SLK: variants seen among roughly 807,000 people sequenced by gnomAD.
SLK encodes the protein STE20-like serine/threonine-protein kinase.
Under a neutral mutation model 147.7 loss-of-function variants are expected in SLK, and 67 were observed. That is an observed-to-expected ratio of 0.45 (90% CI 0.37 to 0.56). The LOEUF (loss-of-function observed/expected upper bound fraction) is 0.56. SLK is among the 20% of genes least tolerant of loss of function. The pLI is 0.00. For synonymous variants in SLK, 441 were observed against 475.0 expected, an observed-to-expected ratio of 0.93 and a Z score of 0.93; for missense variants, 1,136 against 1,438.8, an observed-to-expected ratio of 0.79 and a Z score of 3.41.
At chr10:103,998,811 TAAAGACTTA>T in intron 4 of SLK, 79 bp from the exon 5 acceptor site, 3 of 832,544 alleles carry the variant, frequency 3.6e-6, no homozygotes, top group Non-Finnish European at 5.9e-6. Flanking sequence ...TTAGCCTTAT[TAAAGACTTA>T]AAATGCTTTT....
intron 1 of SLK, among the ~76,000 whole-genome samples, chr10:103,990,162 C>G (rs1415452662): frequency 2.0e-5 from 3 of 152,134 alleles, no homozygotes; most frequent in Non-Finnish European, 4.4e-5. Flanking sequence ...GTAAAAAGAT[C>G]AGTGGTTGCC....
chr10:103,992,267 A>G (rs2487997), intron 2 of SLK, among the ~76,000 whole-genome samples: 34,255 of 150,604 alleles, frequency 0.23, 4,482 homozygotes, highest in African/African-American at 0.36. Flanking sequence ...CCTTAAAAAT[A>G]TAAGTAATAA....
intron 4 of SLK, among the ~76,000 whole-genome samples, chr10:103,993,518 T>A (rs1000961964): frequency 6.6e-5 from 10 of 152,164 alleles, no homozygotes; most frequent in Middle Eastern, 3.2e-3. Flanking sequence ...CCAAAGTTCA[T>A]GTCTAGTGAG....
At chr10:103,980,876 A>G (rs565316389) in intron 1 of SLK, among the ~76,000 whole-genome samples, 1 of 152,150 alleles carries the variant, frequency 6.6e-6, no homozygotes, top group East Asian at 1.9e-4. Context: ...GTAGGAATCT[A>G]TTTTTAATTT....
chr10:103,988,534 C>T (rs920872871), intron 1 of SLK, among the ~76,000 whole-genome samples: 18 of 152,094 alleles, frequency 1.2e-4, no homozygotes, highest in Admixed American at 7.9e-4. Flanking sequence ...TTGCAACCTC[C>T]GGCATAAATG....
chr10:103,987,942 A>C lies in SLK; in HGVS notation c.151-2733A>C, dbSNP rs1844039016. Reference sequence around the variant, plus strand: ...TGGGCCCGAGAATTAAACTGACACAAGATAGAGTAGAGGAGAAAAGCATAG... The same window carrying C: ...TGGGCCCGAGAATTAAACTGACACACGATAGAGTAGAGGAGAAAAGCATAG... On this transcript the variant is annotated intron_variant, in intron 1 of 18. Coordinates refer to ENST00000369755, the MANE Select transcript of SLK (RefSeq NM_014720.4). Among the ~76,000 whole-genome samples the C allele has an allele frequency of 3.9e-5, 6 of 152,316 alleles. No homozygotes were observed. In the South Asian group the frequency reaches 1.2e-3, roughly 32 times the overall value.
chr10:104,021,134 A>T (rs949861980), intron 17 of SLK, among the ~76,000 whole-genome samples: 1 of 152,224 alleles, frequency 6.6e-6, no homozygotes. Flanking sequence ...GCCCATCTAA[A>T]ATGTTTAAGA....
At chr10:104,019,107 GA>G (rs985829505) in intron 15 of SLK, 199 bp downstream of exon 15, 1 of 468,844 alleles carries the variant, frequency 2.1e-6, no homozygotes, top group Admixed American at 4.1e-5. Flanking sequence ...AAATTATAAG[GA>G]AAGTAACTAA....
chr10:104,020,751 A>T, intron 17 of SLK, 138 bp downstream of exon 17: 1 of 826,368 alleles, frequency 1.2e-6, no homozygotes, highest in South Asian at 1.9e-5. Context: ...TTTTTTGTAC[A>T]GATCCAAATG....
intron 11 of SLK, 32 bp from the exon 12 acceptor site, chr10:104,008,145 A>G: frequency 6.4e-7 from 1 of 1,559,856 alleles, no homozygotes; most frequent in Non-Finnish European, 8.7e-7. Flanking sequence ...GGTGATGGAA[A>G]AGTTATCATC....
chr10:103,969,228 C>T (rs1210906518), intron 1 of SLK, among the ~76,000 whole-genome samples: 1 of 152,180 alleles, frequency 6.6e-6, no homozygotes, highest in Non-Finnish European at 1.5e-5. Context: ...CTCGGCCTCC[C>T]AAAGTGCTAG....
intron 1 of SLK, among the ~76,000 whole-genome samples, chr10:103,988,041 A>G (rs1263082921): frequency 1.3e-5 from 2 of 152,206 alleles, no homozygotes; most frequent in Non-Finnish European, 2.9e-5. Context: ...GGCAAAACCT[A>G]CATGCTTTTG....
intron 1 of SLK, among the ~76,000 whole-genome samples, chr10:103,980,633 G>C (rs759546868): frequency 6.6e-6 from 1 of 152,118 alleles, no homozygotes; most frequent in Non-Finnish European, 1.5e-5. Flanking sequence ...GAGCCTTAAG[G>C]TTCATCCATG....
Position 103,985,752 on chromosome 10 carries a change from A to AAAATG in SLK, c.151-4922_151-4918dup, listed in dbSNP as rs1844004304. Among the ~76,000 whole-genome samples the AAAATG allele has an allele frequency of 6.6e-5, 10 of 152,328 alleles. No individual in the cohort carries two copies. The South Asian group carries it at 2.1e-3, about 32-fold the overall frequency. Reference sequence around the variant, plus strand: ...ACTATGAAATACTATATAATGTTAGAAAATGTAAAAATATAGAAAGAAAAT... The same window carrying AAAATG: ...ACTATGAAATACTATATAATGTTAGAAAATGAAATGTAAAAATATAGAAAGAAAAT... On this transcript the variant is annotated intron_variant, in intron 1 of 18. Coordinates refer to ENST00000369755, the MANE Select transcript of SLK (RefSeq NM_014720.4).
chr10:103,982,783 G>A (rs1200641509), intron 1 of SLK, among the ~76,000 whole-genome samples: 1 of 152,206 alleles, frequency 6.6e-6, no homozygotes, highest in African/African-American at 2.4e-5. Context: ...ACTTGAACAA[G>A]GTGACACTGC....
intron 13 of SLK, among the ~76,000 whole-genome samples, chr10:104,015,997 G>A (rs1844457808): frequency 1.3e-5 from 2 of 151,966 alleles, no homozygotes; most frequent in African/African-American, 4.8e-5. Flanking sequence ...AGGTTATGTT[G>A]TTTATTGAAC....
chr10:103,992,340 G>C (rs1376971286), intron 2 of SLK, among the ~76,000 whole-genome samples: 2 of 151,830 alleles, frequency 1.3e-5, no homozygotes, highest in African/African-American at 2.4e-5. Context: ...TTCTGTACCT[G>C]GTAGTTGTAG....
chr10:104,022,605 G>A (rs1402091648), intron 18 of SLK, among the ~76,000 whole-genome samples: 1 of 152,178 alleles, frequency 6.6e-6, no homozygotes, highest in African/African-American at 2.4e-5. Context: ...AGTTCATAGT[G>A]TGGCTTTTTG....
intron 4 of SLK, among the ~76,000 whole-genome samples, chr10:103,996,050 C>T (rs1338331517): frequency 6.6e-6 from 1 of 152,160 alleles, no homozygotes; most frequent in Non-Finnish European, 1.5e-5. Context: ...CTCACCACCA[C>T]TCCTTATGTT....
Sources: gnomAD v4.1 joint callset for allele counts (sites outside exome capture counted in the v4.1 genomes callset) on GRCh38, gnomAD v4.1.1 for gene constraint, MANE v1.5 for transcripts, NCBI Gene and HGNC (gene_info 2026-07-23, HGNC 2026-07-21) for gene names.